RGS6: variants seen among roughly 807,000 people sequenced by gnomAD.
RGS6 encodes the protein regulator of G protein signaling 6.
A neutral mutation model predicts 78.5 loss-of-function variants in RGS6; 30 were observed. The ratio of observed to expected loss-of-function variants is 0.38; its 90% confidence interval spans 0.29 to 0.52. RGS6 has a LOEUF of 0.52. Ranked by LOEUF, RGS6 falls within the 20% of genes least tolerant of loss-of-function variation. RGS6 has a pLI of 0.85. For missense variants in RGS6, 495 were observed against 609.7 expected (o/e 0.81, Z 1.98); for synonymous variants, 206 against 206.0 (o/e 1.00, Z 0.00).
At chr14:72,614,196 GC>G in the RGS6 span, among the ~76,000 whole-genome samples, 1 of 152,188 alleles carries the variant, frequency 6.6e-6, no homozygotes, top group Non-Finnish European at 1.5e-5. Context: ...GGGGGAGGGA[GC>G]CCCAACCCCC....
At chr14:72,192,445 C>G (rs2097338225) in intron 2 of RGS6, among the ~76,000 whole-genome samples, 1 of 152,216 alleles carries the variant, frequency 6.6e-6, no homozygotes. Context: ...AGCAAGAACT[C>G]AGATATGGGT....
chr14:72,439,850 T>G (rs1164033655), intron 3 of RGS6, among the ~76,000 whole-genome samples: 4 of 152,228 alleles, frequency 2.6e-5, no homozygotes, highest in African/African-American at 9.6e-5. Flanking sequence ...GGCTGTGGCT[T>G]CTGTCTGTCC....
chr14:72,609,371 G>A, the RGS6 span, among the ~76,000 whole-genome samples: 1 of 152,172 alleles, frequency 6.6e-6, no homozygotes. Flanking sequence ...GTGAGTCCCG[G>A]GTCAGGAGTC....
At chr14:72,413,430 C>T (rs2093577556) in intron 3 of RGS6, among the ~76,000 whole-genome samples, 1 of 152,234 alleles carries the variant, frequency 6.6e-6, no homozygotes, top group African/African-American at 2.4e-5. Flanking sequence ...GGTAGATCTT[C>T]CTCCATCCCT....
At chr14:72,387,393 C>CA (rs879405215) in intron 3 of RGS6, among the ~76,000 whole-genome samples, 2 of 151,902 alleles carry the variant, frequency 1.3e-5, no homozygotes, top group Non-Finnish European at 2.9e-5. Context: ...ACTAAAAATA[C>CA]AAAAAATTAG....
At chr14:72,043,491 A>G (rs923318718) in intron 2 of RGS6, among the ~76,000 whole-genome samples, 1 of 34,254 alleles carries the variant, frequency 2.9e-5, no homozygotes, top group Non-Finnish European at 6.3e-5. Flanking sequence ...TCACTTTTGA[A>G]GGATAACTTT....
At chr14:72,217,849 A>G (rs1269589540) in intron 2 of RGS6, among the ~76,000 whole-genome samples, 2 of 152,172 alleles carry the variant, frequency 1.3e-5, no homozygotes, top group Non-Finnish European at 2.9e-5. Flanking sequence ...ATAATGCCAA[A>G]CACTCCAGGT....
chr14:71,954,135 C>G (rs1287011256), intron 1 of RGS6, among the ~76,000 whole-genome samples: 2 of 151,484 alleles, frequency 1.3e-5, no homozygotes, highest in Non-Finnish European at 2.9e-5. Flanking sequence ...TATGATATAC[C>G]TAGATGTAGT....
chr14:71,915,956 C>T, the RGS6 span, among the ~76,000 whole-genome samples: 2 of 152,118 alleles, frequency 1.3e-5, no homozygotes, highest in African/African-American at 2.4e-5. Context: ...AGAATGTGGC[C>T]GTCTGCAAGC....
intron 3 of RGS6, among the ~76,000 whole-genome samples, chr14:72,395,984 A>G (rs1273146806): frequency 6.6e-6 from 1 of 152,136 alleles, no homozygotes; most frequent in Non-Finnish European, 1.5e-5. Flanking sequence ...ATAGTGCCGC[A>G]ATAAACATAC....
chr14:72,444,264 G>A (rs1443136444), intron 3 of RGS6, among the ~76,000 whole-genome samples: 1 of 152,168 alleles, frequency 6.6e-6, no homozygotes, highest in African/African-American at 2.4e-5. Context: ...GTTGATTTAT[G>A]AGTTGGTAAT....
chr14:72,304,682 C>T (rs539425782), intron 2 of RGS6, among the ~76,000 whole-genome samples: 1 of 152,178 alleles, frequency 6.6e-6, no homozygotes, highest in African/African-American at 2.4e-5. Context: ...AGTTCGAGAC[C>T]AGCCTGACCA....
At chr14:72,496,950 A>T (rs917698187) in intron 13 of RGS6, among the ~76,000 whole-genome samples, 4 of 152,186 alleles carry the variant, frequency 2.6e-5, no homozygotes, top group African/African-American at 9.7e-5. Context: ...TTTAATAGCT[A>T]CATACTATCC....
At chr14:72,148,330 C>T (rs1236618033) in intron 2 of RGS6, among the ~76,000 whole-genome samples, 10 of 149,180 alleles carry the variant, frequency 6.7e-5, no homozygotes, top group Admixed American at 6.0e-4. Context: ...TCCATGAGTT[C>T]GAGGCTGCAG....
In RGS6 at chr14:72,368,591, T is replaced by C. The variant is rs1431429005; in HGVS notation, c.184+16397T>C. On this transcript the variant is annotated intron_variant, in intron 3 of 17. Coordinates refer to ENST00000553525, the MANE Select transcript of RGS6 (RefSeq NM_001204424.2). The stretch of plus-strand genomic sequence containing the variant: ...CTTTGACCTTTAGAAACTTTTTTTA[T>C]AATGAACTTCCCTGCCTCCCTCTTG... Among the ~76,000 whole-genome samples the C allele has an allele frequency of 2.6e-5, 4 of 152,216 alleles. No homozygotes were observed. In the East Asian group the frequency reaches 7.7e-4, roughly 29 times the overall value.
intron 3 of RGS6, among the ~76,000 whole-genome samples, chr14:72,362,469 G>A (rs948831048): frequency 6.6e-6 from 1 of 152,184 alleles, no homozygotes; most frequent in African/African-American, 2.4e-5. Flanking sequence ...CAGCCATGAG[G>A]CCATAGTCAT....
chr14:72,547,913 TAAA>T (rs2097432728), intron 17 of RGS6, among the ~76,000 whole-genome samples: 2 of 152,268 alleles, frequency 1.3e-5, no homozygotes, highest in South Asian at 4.1e-4. Context: ...AGGGTAACCT[TAAA>T]AAATACATTT....
At chr14:72,261,662 T>C (rs189116364) in intron 2 of RGS6, among the ~76,000 whole-genome samples, 1 of 152,300 alleles carries the variant, frequency 6.6e-6, no homozygotes, top group Admixed American at 6.5e-5. Flanking sequence ...TACAGAGACA[T>C]TGAGATTCCA....
At chr14:72,501,805 A>G (rs1193050025) in intron 13 of RGS6, among the ~76,000 whole-genome samples, 2 of 152,348 alleles carry the variant, frequency 1.3e-5, no homozygotes, top group South Asian at 4.1e-4. Context: ...TATCAGGCAC[A>G]TGAGCAAAGA....
Sources: allele counts gnomAD v4.1 joint callset (sites outside exome capture counted in the v4.1 genomes callset), GRCh38; gene constraint gnomAD v4.1.1; transcripts MANE v1.5; gene names NCBI Gene and HGNC (gene_info 2026-07-23, HGNC 2026-07-21).